Variants in TACR1 observed in about 807,000 individuals in gnomAD.
The protein encoded by TACR1 is tachykinin receptor 1, also known as substance-P receptor.
A neutral mutation model predicts 35.8 loss-of-function variants in TACR1; 25 were observed. The observed-to-expected ratio is 0.70, with a 90% CI of 0.51 to 0.98. The LOEUF is 0.98. Ranked by LOEUF, TACR1 falls within the 50% of genes least tolerant of loss-of-function variation. The pLI is 0.00. For synonymous variants in TACR1, 195 were observed against 206.7 expected, an observed-to-expected ratio of 0.94 and a Z score of 0.48; for missense variants, 478 against 522.9, an observed-to-expected ratio of 0.91 and a Z score of 0.84.
intron 1 of TACR1, among the ~76,000 whole-genome samples, chr2:75,144,709 A>T (rs1674470190): frequency 6.6e-6 from 1 of 152,204 alleles, no homozygotes; most frequent in Non-Finnish European, 1.5e-5. Flanking sequence ...CAACTAACAA[A>T]CTGATATCAG....
chr2:75,160,502 A>G (rs1448834665), intron 1 of TACR1, among the ~76,000 whole-genome samples: 1 of 152,064 alleles, frequency 6.6e-6, no homozygotes, highest in Non-Finnish European at 1.5e-5. Context: ...AAGCTGAAAT[A>G]AAAAGGAACT....
intron 1 of TACR1, among the ~76,000 whole-genome samples, chr2:75,146,294 T>C (rs957317632): frequency 3.3e-5 from 5 of 152,100 alleles, no homozygotes; most frequent in African/African-American, 1.2e-4. Flanking sequence ...GGCTAATTTT[T>C]GTATTTTTAG....
At chr2:75,068,996 C>T (rs1376551697) in intron 2 of TACR1, among the ~76,000 whole-genome samples, 1 of 152,192 alleles carries the variant, frequency 6.6e-6, no homozygotes, top group Non-Finnish European at 1.5e-5. Context: ...TCCCACTTGT[C>T]ATGGAGGGTA....
At chr2:75,096,759 C>T (rs926745437) in intron 2 of TACR1, among the ~76,000 whole-genome samples, 19 of 152,180 alleles carry the variant, frequency 1.2e-4, no homozygotes, top group Admixed American at 3.9e-4. Context: ...CCTTGCCTCC[C>T]ACTTCACTGA....
At chr2:75,186,888 G>A (rs3771856) in intron 1 of TACR1, 85,277 of 152,118 alleles carry the variant, frequency 0.56, 26,355 homozygotes, top group African/African-American at 0.85. Flanking sequence ...ATTGGGAGGA[G>A]ATGAAGCAAG....
intron 2 of TACR1, 65 bp from the exon 3 acceptor site, chr2:75,053,820 T>A: frequency 6.3e-7 from 1 of 1,594,084 alleles, no homozygotes; most frequent in African/African-American, 1.3e-5. Context: ...TTAATTTTTG[T>A]TATTGTTATT....
At chr2:75,075,491 C>T (rs2103823022) in intron 2 of TACR1, among the ~76,000 whole-genome samples, 1 of 152,284 alleles carries the variant, frequency 6.6e-6, no homozygotes, top group East Asian at 1.9e-4. Context: ...CTTTAGTTCA[C>T]AAGATGGGTG....
intron 1 of TACR1, among the ~76,000 whole-genome samples, chr2:75,167,450 G>A (rs974211493): frequency 5.9e-5 from 9 of 152,290 alleles, no homozygotes; most frequent in African/African-American, 2.2e-4. Context: ...CATGAGGATT[G>A]AAAGATGGAT....
At chr2:75,173,795 G>A (rs1410669496) in intron 1 of TACR1, among the ~76,000 whole-genome samples, 1 of 152,126 alleles carries the variant, frequency 6.6e-6, no homozygotes, top group African/African-American at 2.4e-5. Flanking sequence ...CCTTTGACTT[G>A]GTAATGATCA....
chr2:75,121,560 A>G (rs536485392), intron 1 of TACR1, among the ~76,000 whole-genome samples: 1 of 152,306 alleles, frequency 6.6e-6, no homozygotes, highest in Non-Finnish European at 1.5e-5. Context: ...ATGTGTCCAC[A>G]TGTTTGAGTT....
intron 2 of TACR1, among the ~76,000 whole-genome samples, chr2:75,059,833 A>G (rs1672639043): frequency 1.3e-5 from 2 of 152,262 alleles, no homozygotes; most frequent in East Asian, 1.9e-4. Flanking sequence ...TCTTCCTCAA[A>G]TGTCCTTCAG....
chr2:75,093,939 C>T lies in TACR1; in HGVS notation c.584+26635G>A, dbSNP rs116159323. Among the ~76,000 whole-genome samples the T allele has an allele frequency of 4.8e-3, 737 of 152,092 alleles. 10 individuals carry two copies. Among genetic ancestry groups the T allele is most frequent in the African/African-American group, 0.017 (718 of 41,496 alleles). ...TTCTACATGTGAGGAAACAGGCCCA[C>T]AGAGAAGCACAGATGTACTCAGGTC... is the stretch of plus-strand genomic sequence containing the variant. On this transcript the variant is annotated intron_variant, in intron 2 of 4. Coordinates refer to ENST00000305249, the MANE Select transcript of TACR1 (RefSeq NM_001058.4).
rs1235774703 is a variant in TACR1, at chr2:75,142,934, A to T, written c.390-22166T>A. On this transcript the variant is annotated intron_variant, in intron 1 of 4. Transcript: ENST00000305249. ...CATGATAGTTGTGGAGTAAGGTCTC[A>T]CAGACACAGTATAGAGAACTTTGCT... 2.0e-5 allele frequency among the ~76,000 whole-genome samples: 3 copies of T among 152,170 alleles called. No individual in the cohort carries two copies. In the East Asian group the frequency reaches 5.8e-4, roughly 29 times the overall value.
intron 1 of TACR1, among the ~76,000 whole-genome samples, chr2:75,124,088 C>T (rs1005765539): frequency 1.2e-4 from 18 of 152,240 alleles, no homozygotes; most frequent in Non-Finnish European, 2.9e-5. Context: ...GATCTGGAGG[C>T]GTGTGGGATA....
intron 2 of TACR1, among the ~76,000 whole-genome samples, chr2:75,118,333 T>C (rs1673902955): frequency 6.6e-6 from 1 of 152,234 alleles, no homozygotes; most frequent in Admixed American, 6.5e-5. Flanking sequence ...ACTATTTTGA[T>C]TTACTATTGT....
chr2:75,052,391 T>A (rs1672486539), intron 3 of TACR1, among the ~76,000 whole-genome samples: 1 of 152,186 alleles, frequency 6.6e-6, no homozygotes, highest in East Asian at 1.9e-4. Context: ...TTTCTATTTT[T>A]TATAAGCTCC....
At chr2:75,142,889 C>T (rs1198502015) in intron 1 of TACR1, among the ~76,000 whole-genome samples, 2 of 152,174 alleles carry the variant, frequency 1.3e-5, no homozygotes, top group African/African-American at 4.8e-5. Context: ...TTAATAAGCT[C>T]CCTCATTGAT....
intron 1 of TACR1, among the ~76,000 whole-genome samples, chr2:75,167,388 C>T (rs1675172030): frequency 6.6e-6 from 1 of 152,094 alleles, no homozygotes; most frequent in African/African-American, 2.4e-5. Flanking sequence ...TACCTGCTTG[C>T]CTTGTCAGAT....
chr2:75,071,789 C>T (rs1190124386), intron 2 of TACR1, among the ~76,000 whole-genome samples: 2 of 152,156 alleles, frequency 1.3e-5, no homozygotes, highest in Non-Finnish European at 2.9e-5. Context: ...TAATGCTTGG[C>T]ATAGAGTGCC....
Sources: gnomAD v4.1 joint callset for allele counts (sites outside exome capture counted in the v4.1 genomes callset) on GRCh38, gnomAD v4.1.1 for gene constraint, MANE v1.5 for transcripts, NCBI Gene and HGNC (gene_info 2026-07-23, HGNC 2026-07-21) for gene names.